Variants in RGL1 observed in about 807,000 individuals in gnomAD.
The protein encoded by RGL1 is ral guanine nucleotide dissociation stimulator-like 1.
A neutral mutation model predicts 95.2 loss-of-function variants in RGL1; 24 were observed. The ratio of observed to expected loss-of-function variants is 0.25; its 90% CI spans 0.18 to 0.35. The LOEUF is 0.35. Ranked by LOEUF, RGL1 falls within the 10% of genes least tolerant of loss-of-function variation. The pLI is 1.00. For missense variants in RGL1, 715 were observed against 936.3 expected (o/e 0.76, Z 3.08); for synonymous variants, 329 against 344.9 (o/e 0.95, Z 0.51).
At chr1:183,647,662 T>C (rs969019211) in intron 1 of RGL1, 5 of 1,576,640 alleles carry the variant, frequency 3.2e-6, no homozygotes, top group South Asian at 1.2e-5. Flanking sequence ...GGTTTCATGC[T>C]GTAGGAATGT....
intron 2 of RGL1, among the ~76,000 whole-genome samples, chr1:183,807,218 A>G (rs933692566): frequency 6.6e-6 from 1 of 152,186 alleles, no homozygotes; most frequent in African/African-American, 2.4e-5. Flanking sequence ...TACTTGGGCA[A>G]ATGTCAAACA....
chr1:183,722,055 A>G (rs997577381), intron 1 of RGL1, among the ~76,000 whole-genome samples: 2 of 152,176 alleles, frequency 1.3e-5, no homozygotes, highest in Non-Finnish European at 2.9e-5. Context: ...GAAAGTCAAG[A>G]CAGAACACTA....
chr1:183,849,279 C>G (rs1225571572), intron 3 of RGL1, among the ~76,000 whole-genome samples: 1 of 151,570 alleles, frequency 6.6e-6, no homozygotes, highest in Non-Finnish European at 1.5e-5. Context: ...ATCTGCATAT[C>G]TTGGAAATTT....
chr1:183,897,199 G>A (rs1667750696), intron 9 of RGL1, among the ~76,000 whole-genome samples: 1 of 152,130 alleles, frequency 6.6e-6, no homozygotes, highest in Non-Finnish European at 1.5e-5. Context: ...TTGTATTGAT[G>A]ATTGCTTTCA....
At chr1:183,685,643 T>C (rs999084212) in intron 1 of RGL1, among the ~76,000 whole-genome samples, 2 of 152,202 alleles carry the variant, frequency 1.3e-5, no homozygotes, top group African/African-American at 2.4e-5. Flanking sequence ...AACCTAGTAT[T>C]ATAGGTTAAA....
intron 1 of RGL1, among the ~76,000 whole-genome samples, chr1:183,680,747 G>A (rs1010932288): frequency 6.6e-6 from 1 of 152,100 alleles, no homozygotes; most frequent in African/African-American, 2.4e-5. Flanking sequence ...GGATAGCATT[G>A]AATCTATAAA....
chr1:183,698,850 G>C (rs188889905), intron 1 of RGL1, among the ~76,000 whole-genome samples: 1 of 152,158 alleles, frequency 6.6e-6, no homozygotes, highest in African/African-American at 2.4e-5. Context: ...ACTTGGTCAC[G>C]TTGTGAATGA....
intron 1 of RGL1, among the ~76,000 whole-genome samples, chr1:183,738,313 C>A (rs956368436): frequency 1.3e-5 from 2 of 151,718 alleles, no homozygotes; most frequent in Admixed American, 1.3e-4. Flanking sequence ...CCCAGCTACT[C>A]GGGAGGCTGA....
chr1:183,769,802 T>A (rs552522841), intron 2 of RGL1, among the ~76,000 whole-genome samples: 12 of 152,162 alleles, frequency 7.9e-5, no homozygotes, highest in Admixed American at 2.6e-4. Context: ...AACCTCCTCA[T>A]ACTCCAAAGA....
Position 183,900,133 on chromosome 1 carries a change from C to T in RGL1, c.1231-17C>T, listed in dbSNP as rs750904588. 6.2e-7 allele frequency: 1 copy of T among 1,606,124 alleles called. No individual in the cohort carries two copies. Among genetic ancestry groups the T allele is most frequent in the Non-Finnish European group, 8.5e-7 (1 of 1,173,244 alleles). On this transcript the variant is annotated splice_polypyrimidine_tract_variant and intron_variant, in intron 10 of 17. Transcript: ENST00000360851. ...TTCAATGACAATAAAGACAGTTTTG[C>T]TTTGGATGCTCTTCAGGGTGTGATG...
At chr1:183,842,332 C>CT (rs5779189) in intron 2 of RGL1, among the ~76,000 whole-genome samples, 10,151 of 146,412 alleles carry the variant, frequency 0.069, 486 homozygotes, top group Non-Finnish European at 0.1. Context: ...ATTGAAGGGA[C>CT]TTTTTTTTTT....
chr1:183,845,985 C>T (rs1479722462), intron 2 of RGL1, among the ~76,000 whole-genome samples: 5 of 152,114 alleles, frequency 3.3e-5, no homozygotes, highest in African/African-American at 7.2e-5. Flanking sequence ...GACAGTGTGG[C>T]GATTCCTCAA....
intron 4 of RGL1, among the ~76,000 whole-genome samples, chr1:183,875,741 T>C (rs1404373324): frequency 6.6e-6 from 1 of 151,638 alleles, no homozygotes; most frequent in African/African-American, 2.4e-5. Flanking sequence ...TAGCCAGGCA[T>C]GGTGGCACGT....
intron 4 of RGL1, among the ~76,000 whole-genome samples, chr1:183,867,203 A>T (rs1665891658): frequency 6.6e-6 from 1 of 152,196 alleles, no homozygotes; most frequent in Non-Finnish European, 1.5e-5. Flanking sequence ...ATGAGACTGA[A>T]TGTGGCTTCC....
chr1:183,914,032 A>C (rs1308235927), intron 15 of RGL1, among the ~76,000 whole-genome samples: 1 of 152,208 alleles, frequency 6.6e-6, no homozygotes, highest in Non-Finnish European at 1.5e-5. Context: ...AGCTTTGTCA[A>C]AATCTGGAAT....
intron 14 of RGL1, among the ~76,000 whole-genome samples, chr1:183,907,612 G>C (rs1668412778): frequency 6.6e-6 from 1 of 152,096 alleles, no homozygotes; most frequent in Non-Finnish European, 1.5e-5. Context: ...CTTCATGACT[G>C]GCTCCTTCAA....
At chr1:183,827,175 C>T (rs1447451070) in intron 2 of RGL1, among the ~76,000 whole-genome samples, 1 of 152,196 alleles carries the variant, frequency 6.6e-6, no homozygotes, top group African/African-American at 2.4e-5. Flanking sequence ...CACCTGCCTC[C>T]ACCTCCCAAA....
intron 2 of RGL1, among the ~76,000 whole-genome samples, chr1:183,759,553 A>G (rs752728195): frequency 1.1e-4 from 16 of 152,236 alleles, no homozygotes; most frequent in Non-Finnish European, 7.3e-5. Flanking sequence ...AAGTTTTTAA[A>G]GACATCAAAA....
At chr1:183,788,080 CT>C (rs1260357614) in intron 2 of RGL1, among the ~76,000 whole-genome samples, 1 of 152,186 alleles carries the variant, frequency 6.6e-6, no homozygotes, top group African/African-American at 2.4e-5. Context: ...ACTTGCTTCC[CT>C]TTTACCTGCT....
Sources: allele counts gnomAD v4.1 joint callset (sites outside exome capture counted in the v4.1 genomes callset), GRCh38; gene constraint gnomAD v4.1.1; transcripts MANE v1.5; gene names NCBI Gene and HGNC (gene_info 2026-07-23, HGNC 2026-07-21).